The following NT5DC1 variants were observed in gnomAD, a reference collection of about 807,000 sequenced individuals.
The protein encoded by NT5DC1 is 5'-nucleotidase domain-containing protein 1.
A neutral mutation model predicts 59.4 loss-of-function variants in NT5DC1; 42 were observed. The observed-to-expected ratio is 0.71, with a 90% CI of 0.55 to 0.92. NT5DC1 has a LOEUF of 0.92. NT5DC1 is among the 40% of genes least tolerant of loss of function. NT5DC1 has a pLI of 0.00. For missense variants in NT5DC1, 501 were observed against 537.1 expected, an observed-to-expected ratio of 0.93 and a Z score of 0.66; for synonymous variants, 172 against 188.1, an observed-to-expected ratio of 0.91 and a Z score of 0.70.
chr6:116,167,206 ATTTTTTTTTTT>A (rs61348980), intron 6 of NT5DC1, among the ~76,000 whole-genome samples: 5 of 87,796 alleles, frequency 5.7e-5, no homozygotes, highest in Non-Finnish European at 1.1e-4. Flanking sequence ...CAAATAGAAG[ATTTTTTTTTTT>A]TTTTTTTTTT....
At chr6:116,192,793 T>C (rs181960148) in intron 6 of NT5DC1, among the ~76,000 whole-genome samples, 1 of 152,040 alleles carries the variant, frequency 6.6e-6, no homozygotes, top group Admixed American at 6.6e-5. Flanking sequence ...TATTACGATT[T>C]CCTCCTGGTA....
intron 6 of NT5DC1, among the ~76,000 whole-genome samples, chr6:116,194,422 A>C (rs1317755266): frequency 2.0e-5 from 3 of 152,050 alleles, no homozygotes; most frequent in Admixed American, 6.6e-5. Context: ...AATTTCGGGA[A>C]AAAAATGGCA....
intron 1 of NT5DC1, among the ~76,000 whole-genome samples, chr6:116,102,348 C>A (rs1212412897): frequency 6.6e-6 from 1 of 152,204 alleles, no homozygotes; most frequent in Admixed American, 6.5e-5. Context: ...TCTGCTGTTA[C>A]ACTTTCCTGC....
intron 6 of NT5DC1, chr6:116,125,483 G>T: frequency 6.2e-7 from 1 of 1,613,734 alleles, no homozygotes; most frequent in South Asian, 1.1e-5. Context: ...AAGGGTATTT[G>T]TGGCAGCATA....
intron 6 of NT5DC1, among the ~76,000 whole-genome samples, chr6:116,172,723 G>T (rs930812181): frequency 1.3e-5 from 2 of 152,100 alleles, no homozygotes; most frequent in Admixed American, 1.3e-4. Flanking sequence ...TATTTCCTGA[G>T]AAATTTTAAA....
Position 116,119,501 on chromosome 6 carries a change from A to G in NT5DC1, c.529+1556A>G, listed in dbSNP as rs1428601951. ...TTAACAAGTATATATGCACCTGTATATTTGAATAGATATTGATGAAAGGGG... is the reference window on the plus strand; with the variant it reads ...TTAACAAGTATATATGCACCTGTATGTTTGAATAGATATTGATGAAAGGGG... On this transcript the variant is annotated intron_variant, in intron 6 of 11. Transcript: ENST00000319550. 2 of 153,132 alleles carry G rather than the reference A, an allele frequency of 1.3e-5. No individual in the cohort carries two copies. Among genetic ancestry groups the G allele is most frequent in the African/African-American group, 4.8e-5 (2 of 41,456 alleles). 9.5% of individuals were successfully genotyped at this position (153,132 alleles called of 1,614,324 possible).
intron 6 of NT5DC1, among the ~76,000 whole-genome samples, chr6:116,208,238 G>A (rs1299565338): frequency 6.6e-6 from 1 of 151,836 alleles, no homozygotes; most frequent in East Asian, 1.9e-4. Context: ...AGTCTGCTTT[G>A]CCCGGAGGCA....
At chr6:116,182,773 A>G (rs1415501396) in intron 6 of NT5DC1, among the ~76,000 whole-genome samples, 2 of 151,882 alleles carry the variant, frequency 1.3e-5, no homozygotes, top group Admixed American at 6.6e-5. Flanking sequence ...TTCCTTGTAG[A>G]GTCTAGATAT....
intron 6 of NT5DC1, among the ~76,000 whole-genome samples, chr6:116,131,047 T>C (rs1475614546): frequency 6.6e-6 from 1 of 152,202 alleles, no homozygotes; most frequent in East Asian, 1.9e-4. Context: ...TTATGAATGC[T>C]CTTTTTAAAT....
intron 6 of NT5DC1, among the ~76,000 whole-genome samples, chr6:116,214,457 G>A (rs1471039267): frequency 6.6e-6 from 1 of 152,064 alleles, no homozygotes; most frequent in Non-Finnish European, 1.5e-5. Context: ...ACCATGTTCT[G>A]CTAGGAGAAA....
chr6:116,169,769 TTTGGAGTTC>T, intron 6 of NT5DC1, among the ~76,000 whole-genome samples: 1 of 152,282 alleles, frequency 6.6e-6, no homozygotes, highest in East Asian at 1.9e-4. Flanking sequence ...TGGACAGACA[TTTGGAGTTC>T]AGAGGATTAT....
intron 8 of NT5DC1, among the ~76,000 whole-genome samples, chr6:116,234,498 C>T (rs977819836): frequency 1.3e-5 from 2 of 151,842 alleles, no homozygotes; most frequent in African/African-American, 4.8e-5. Context: ...CAACCCCATA[C>T]CCAGTGAATT....
chr6:116,193,272 A>C (rs1257207641), intron 6 of NT5DC1, among the ~76,000 whole-genome samples: 3 of 152,066 alleles, frequency 2.0e-5, no homozygotes, highest in Non-Finnish European at 4.4e-5. Flanking sequence ...AGAAGTGGAG[A>C]TATTGTGCTT....
chr6:116,205,917 C>A (rs769779225), intron 6 of NT5DC1, among the ~76,000 whole-genome samples: 2 of 151,864 alleles, frequency 1.3e-5, no homozygotes, highest in Non-Finnish European at 2.9e-5. Flanking sequence ...ATTTTCATAT[C>A]TGCACAATGA....
chr6:116,161,353 AT>A (rs1158088997), intron 6 of NT5DC1, among the ~76,000 whole-genome samples: 1 of 152,126 alleles, frequency 6.6e-6, no homozygotes, highest in Non-Finnish European at 1.5e-5. Context: ...ATAATAAAAA[AT>A]AATAATAAAG....
chr6:116,119,781 T>C lies in NT5DC1; in HGVS notation c.529+1836T>C, dbSNP rs1016161969. The C allele has an allele frequency of 1.4e-5, 4 of 282,092 alleles. No individual in the cohort carries two copies. Among genetic ancestry groups the C allele is most frequent in the Non-Finnish European group, 2.6e-5 (4 of 151,878 alleles). The allele number at this position is 282,092 out of a possible 1,614,324, so 17.5% of individuals were successfully genotyped here. Reference sequence around the variant, plus strand: ...AATTTTTTTTTTGTTGTTTGTTTTTTGTTGTTTGTTTTTAACATAGCAGGA... The same window carrying C: ...AATTTTTTTTTTGTTGTTTGTTTTTCGTTGTTTGTTTTTAACATAGCAGGA... On this transcript the variant is annotated intron_variant, in intron 6 of 11. Transcript: ENST00000319550.
intron 6 of NT5DC1, among the ~76,000 whole-genome samples, chr6:116,189,366 G>A (rs1157935413): frequency 6.6e-6 from 1 of 151,748 alleles, no homozygotes; most frequent in African/African-American, 2.4e-5. Flanking sequence ...TTCCAGTATT[G>A]CAGTATATTT....
chr6:116,184,931 T>C (rs1489393344), intron 6 of NT5DC1, among the ~76,000 whole-genome samples: 3 of 152,074 alleles, frequency 2.0e-5, no homozygotes, highest in African/African-American at 7.2e-5. Context: ...GGGTTTGGTT[T>C]GTTCTTATTT....
At chr6:116,225,199 A>G (rs1489735434) in intron 8 of NT5DC1, among the ~76,000 whole-genome samples, 6 of 152,180 alleles carry the variant, frequency 3.9e-5, no homozygotes, top group African/African-American at 9.7e-5. Context: ...TCATTTTTCA[A>G]CATGTTAATT....
Sources: allele counts gnomAD v4.1 joint callset (sites outside exome capture counted in the v4.1 genomes callset), GRCh38; gene constraint gnomAD v4.1.1; transcripts MANE v1.5; gene names NCBI Gene and HGNC (gene_info 2026-07-23, HGNC 2026-07-21).